The following MICAL2 variants were observed in gnomAD, a reference collection of about 807,000 sequenced individuals.
MICAL2 encodes microtubule associated monooxygenase, calponin and LIM domain containing 2.
A neutral mutation model predicts 127.3 loss-of-function variants in MICAL2; 77 were observed. That is an observed-to-expected ratio of 0.60 (90% CI 0.50 to 0.73). The LOEUF (loss-of-function observed/expected upper bound fraction) is 0.73, where lower values mean the gene tolerates loss of function less well. MICAL2 is among the 30% of genes least tolerant of loss of function. The pLI is 0.00. For synonymous variants in MICAL2, 570 were observed against 551.1 expected, an observed-to-expected ratio of 1.03 and a Z score of -0.48; for missense variants, 1,351 against 1,434.4, an observed-to-expected ratio of 0.94 and a Z score of 0.94.
At chr11:12,294,114 G>A (rs187860015), downstream of MICAL2, 146 of 1,613,980 alleles carry the variant, frequency 9.0e-5, no homozygotes, top group African/African-American at 5.5e-4. Context: ...AAACCAGTCC[G>A]CCCCCTGCTG....
chr11:12,307,124 C>G (rs1261149832), intron 29 of MICAL2, among the ~76,000 whole-genome samples: 1 of 152,202 alleles, frequency 6.6e-6, no homozygotes, highest in Non-Finnish European at 1.5e-5. Flanking sequence ...TTGTCAGACT[C>G]AAATTCTAGC....
At chr11:12,176,249 A>T (rs1273037555) in intron 3 of MICAL2, among the ~76,000 whole-genome samples, 1 of 152,024 alleles carries the variant, frequency 6.6e-6, no homozygotes, top group African/African-American at 2.4e-5. Context: ...GGAAGAAAAA[A>T]CCTTCCTGAA....
At chr11:12,174,279 T>A (rs1856592373) in intron 3 of MICAL2, among the ~76,000 whole-genome samples, 1 of 152,180 alleles carries the variant, frequency 6.6e-6, no homozygotes, top group Admixed American at 6.6e-5. Context: ...CCCATTACTA[T>A]CATTCATCTC....
chr11:12,303,490 T>C (rs1864072883), intron 29 of MICAL2: 1 of 152,246 alleles, frequency 6.6e-6, no homozygotes, highest in Non-Finnish European at 1.5e-5. Flanking sequence ...TACATTTCAC[T>C]TTAACCATTA....
At position 12,220,405 on chromosome 11, in the gene MICAL2, G is replaced by A; in HGVS notation, c.1153G>A (p.Glu385Lys). The A allele has an allele frequency of 6.2e-7, 1 of 1,613,564 alleles. No individual in the cohort carries two copies. Among genetic ancestry groups the A allele is most frequent in the African/African-American group, 1.3e-5 (1 of 75,062 alleles). ...CTCAGAGAACGCGGCCCTGGTGCGG[G>A]AGCGGCAGGCGCACCAGCTGCTCGT... ...YASENAALVR[E>K]RQAHQLLVAL... Residue 385 changes from glutamate to lysine, a missense_variant, in exon 9 of 28, where the codon GAG becomes AAG. Around this residue, in one of 2 missense-constraint regions of MICAL2, gnomAD observed 599 missense variants for 714.9 expected, o/e 0.84. Transcript: ENST00000683283.
chr11:12,231,612 C>T (rs750071037), intron 15 of MICAL2, among the ~76,000 whole-genome samples: 9 of 152,210 alleles, frequency 5.9e-5, no homozygotes, highest in African/African-American at 9.6e-5. Context: ...ACGAAACAAG[C>T]GAGGACCCTG....
At chr11:12,261,383 T>C in intron 26 of MICAL2, 2 of 985,446 alleles carry the variant, frequency 2.0e-6, no homozygotes, top group Non-Finnish European at 2.4e-6. Context: ...GACATATGCA[T>C]GAGTAAGGGT....
chr11:12,181,400 G>A (rs533210460), intron 3 of MICAL2, among the ~76,000 whole-genome samples: 7 of 152,202 alleles, frequency 4.6e-5, no homozygotes, highest in African/African-American at 9.6e-5. Flanking sequence ...GATGGATTTA[G>A]TAGTTTTCAA....
Position 12,208,068 on chromosome 11 carries a change from T to C in MICAL2, c.518T>C (p.Leu173Pro). The C allele has an allele frequency of 1.2e-6, 2 of 1,614,222 alleles. No homozygotes were observed. Among genetic ancestry groups the C allele is most frequent in the Non-Finnish European group, 1.7e-6 (2 of 1,180,030 alleles). ...QLILFKVALM[L>P]GVEIHVNVEF... The stretch of plus-strand genomic sequence containing the variant: ...ATCCTATTCAAGGTGGCCCTGATGC[T>C]GGGAGTTGAAATCCATGTGAATGTG... The change falls in exon 5 of 28, where the codon CTG becomes CCG. Residue 173 changes from leucine to proline, a missense_variant. Coordinates refer to ENST00000683283, the MANE Select transcript of MICAL2 (RefSeq NM_001282663.2).
downstream of MICAL2, chr11:12,294,666 A>G: frequency 6.2e-7 from 1 of 1,614,210 alleles, no homozygotes; most frequent in African/African-American, 1.3e-5. Flanking sequence ...AGTTTCCTCC[A>G]AGAATCCAGA....
chr11:12,208,520 T>C (rs116099876), intron 5 of MICAL2, among the ~76,000 whole-genome samples: 233 of 152,358 alleles, frequency 1.5e-3, no homozygotes, highest in African/African-American at 5.5e-3. Context: ...CTTGTACCCA[T>C]GGCACATTTT....
chr11:12,137,783 GA>G (rs1170971617), intron 1 of MICAL2, among the ~76,000 whole-genome samples: 1 of 152,168 alleles, frequency 6.6e-6, no homozygotes, highest in Non-Finnish European at 1.5e-5. Flanking sequence ...TAAATCATTA[GA>G]AATATTTTGT....
At chr11:12,327,608 A>T (rs1191081143) in intron 32 of MICAL2, among the ~76,000 whole-genome samples, 2 of 152,130 alleles carry the variant, frequency 1.3e-5, no homozygotes, top group Non-Finnish European at 2.9e-5. Context: ...CAGGAGAAAT[A>T]TATGGGTATT....
intron 22 of MICAL2, chr11:12,254,533 C>T (rs2706658): frequency 0.99 from 151,146 of 152,606 alleles, 74,867 homozygotes; most frequent in East Asian, 1. Context: ...TTTTCTTCTC[C>T]TCTTTGCTTG....
At chr11:12,241,698 A>T (rs541079262) in intron 18 of MICAL2, among the ~76,000 whole-genome samples, 1 of 152,336 alleles carries the variant, frequency 6.6e-6, no homozygotes, top group East Asian at 1.9e-4. Flanking sequence ...ATCTGAACCG[A>T]ATCACTGTTA....
chr11:12,167,171 A>C (rs1429722191), intron 3 of MICAL2, among the ~76,000 whole-genome samples: 2 of 152,166 alleles, frequency 1.3e-5, no homozygotes, highest in African/African-American at 4.8e-5. Flanking sequence ...GTACCATTAC[A>C]GACCAGGGGG....
chr11:12,249,556 T>C (rs551040132), intron 22 of MICAL2, among the ~76,000 whole-genome samples: 2 of 152,338 alleles, frequency 1.3e-5, no homozygotes, highest in Admixed American at 6.5e-5. Flanking sequence ...TGTCCTCTGA[T>C]GTCTTCTCAT....
At chr11:12,135,702 A>T (rs1398628882) in intron 1 of MICAL2, among the ~76,000 whole-genome samples, 1 of 152,172 alleles carries the variant, frequency 6.6e-6, no homozygotes, top group Non-Finnish European at 1.5e-5. Context: ...CATAGGGCCC[A>T]AGTTCTTAAC....
At position 12,178,700 on chromosome 11, in the gene MICAL2, C is replaced by T. The variant is rs1857106500; in HGVS notation, c.264+16281C>T. 3.3e-5 allele frequency among the ~76,000 whole-genome samples: 5 copies of T among 151,436 alleles called. No homozygotes were observed. In the South Asian group the frequency reaches 6.2e-4, roughly 19 times the overall value. On this transcript the variant is annotated intron_variant, in intron 3 of 27. Transcript: ENST00000683283. The stretch of plus-strand genomic sequence containing the variant: ...GAGAAACTAGATGGTAAATGTCTCT[C>T]ATCAGACGGTATTATTATTATTACT...
Sources: gnomAD v4.1 joint callset for allele counts (sites outside exome capture counted in the v4.1 genomes callset) on GRCh38, gnomAD v4.1.1 for gene constraint, gnomAD v4.1.1 regional missense constraint, MANE v1.5 for transcripts, NCBI Gene and HGNC (gene_info 2026-07-23, HGNC 2026-07-21) for gene names.